The following MRPS6 variants were observed in gnomAD, a reference collection of about 807,000 sequenced individuals.
The protein encoded by MRPS6 is mitochondrial ribosomal protein S6.
In MRPS6, 6 loss-of-function variants were observed where a neutral mutation model predicts 13.1. That is an observed-to-expected ratio of 0.46 (90% CI 0.25 to 0.91). MRPS6 has a LOEUF of 0.91. MRPS6 is among the 40% of genes least tolerant of loss of function. The probability of loss-of-function intolerance (pLI) is 0.18; values close to 1 mark genes in which losing one functional copy is unlikely to be tolerated. For synonymous variants in MRPS6, 61 were observed against 56.5 expected, an observed-to-expected ratio of 1.08 and a Z score of -0.36; for missense variants, 164 against 155.6, an observed-to-expected ratio of 1.05 and a Z score of -0.29.
At chr21:34,095,194 C>A in intron 1 of MRPS6, 1 of 1,580,690 alleles carries the variant, frequency 6.3e-7, no homozygotes, top group Non-Finnish European at 8.6e-7. Flanking sequence ...TCACAAGTTA[C>A]CAGAATGAGA....
intron 1 of MRPS6, among the ~76,000 whole-genome samples, chr21:34,080,956 G>A (rs1033346658): frequency 7.2e-5 from 11 of 152,284 alleles, no homozygotes; most frequent in Middle Eastern, 3.4e-3. Flanking sequence ...TTTTATGACA[G>A]GTAATCTTGT....
chr21:34,134,977 C>T (rs916601663), intron 2 of MRPS6, among the ~76,000 whole-genome samples: 2 of 152,108 alleles, frequency 1.3e-5, no homozygotes, highest in African/African-American at 2.4e-5. Context: ...ACGGGTTTAT[C>T]GAAATGCGTA....
At chr21:34,083,992 A>G (rs1387285953) in intron 1 of MRPS6, among the ~76,000 whole-genome samples, 1 of 152,182 alleles carries the variant, frequency 6.6e-6, no homozygotes, top group Non-Finnish European at 1.5e-5. Context: ...TTGCAATGCA[A>G]GAGGAAAATC....
intron 1 of MRPS6, among the ~76,000 whole-genome samples, chr21:34,091,837 TA>T (rs771957597): frequency 3.4e-4 from 52 of 152,324 alleles, no homozygotes; most frequent in Non-Finnish European, 6.8e-4. Context: ...ATTCTACAAG[TA>T]TTACTCCCAT....
chr21:34,131,170 A>G (rs1980488122), intron 2 of MRPS6, among the ~76,000 whole-genome samples: 1 of 152,244 alleles, frequency 6.6e-6, no homozygotes, highest in South Asian at 2.1e-4. Flanking sequence ...TTTGTTAAGT[A>G]AGAATGTCAG....
At chr21:34,078,946 T>TA (rs1989395973) in intron 1 of MRPS6, among the ~76,000 whole-genome samples, 1 of 152,240 alleles carries the variant, frequency 6.6e-6, no homozygotes, top group Admixed American at 6.5e-5. Flanking sequence ...CACATGTAGT[T>TA]ACCTCTTAGG....
chr21:34,123,743 C>T (rs1437707472), intron 1 of MRPS6: 3 of 151,966 alleles, frequency 2.0e-5, no homozygotes, highest in African/African-American at 7.3e-5. Context: ...GTTGCTTGTC[C>T]CTGGAGCCCT....
intron 1 of MRPS6, among the ~76,000 whole-genome samples, chr21:34,119,396 C>T (rs1255954308): frequency 1.3e-5 from 2 of 151,848 alleles, no homozygotes; most frequent in Non-Finnish European, 2.9e-5. Flanking sequence ...GACAGCCTTT[C>T]TATTTGAAAA....
chr21:34,115,706 T>C (rs1432855386), intron 1 of MRPS6, among the ~76,000 whole-genome samples: 1 of 152,146 alleles, frequency 6.6e-6, no homozygotes, highest in African/African-American at 2.4e-5. Flanking sequence ...TGTGGCAAGA[T>C]AGCGGTTGGG....
At chr21:34,115,024 C>G (rs1979847140) in intron 1 of MRPS6, among the ~76,000 whole-genome samples, 1 of 152,152 alleles carries the variant, frequency 6.6e-6, no homozygotes, top group African/African-American at 2.4e-5. Flanking sequence ...GGCATTTTGC[C>G]TACCTTGCAG....
chr21:34,131,546 T>G (rs1022162932), intron 2 of MRPS6, among the ~76,000 whole-genome samples: 3 of 152,072 alleles, frequency 2.0e-5, no homozygotes, highest in Admixed American at 6.6e-5. Flanking sequence ...TCCAAGGCCA[T>G]TTTTTCAGCC....
At chr21:34,102,961 C>T in intron 1 of MRPS6, 3 of 999,860 alleles carry the variant, frequency 3.0e-6, no homozygotes. Context: ...TTTCCTAGTG[C>T]TGCTGGATAA....
At chr21:34,103,224 T>C (rs1979324793) in intron 1 of MRPS6, 2 of 999,814 alleles carry the variant, frequency 2.0e-6, no homozygotes, top group Non-Finnish European at 2.4e-6. Flanking sequence ...TGGTTACCAG[T>C]ATTGACTCTG....
intron 1 of MRPS6, among the ~76,000 whole-genome samples, chr21:34,114,741 C>A (rs1380664857): frequency 2.0e-5 from 3 of 152,086 alleles, no homozygotes; most frequent in Non-Finnish European, 4.4e-5. Context: ...GATTTGAAAC[C>A]TCAGAAATTA....
chr21:34,129,166 C>T (rs909092021), intron 2 of MRPS6, among the ~76,000 whole-genome samples: 1 of 152,098 alleles, frequency 6.6e-6, no homozygotes, highest in South Asian at 2.1e-4. Context: ...CTCATTTAGA[C>T]CCGTGCTATA....
intron 2 of MRPS6, among the ~76,000 whole-genome samples, chr21:34,142,109 T>C (rs1980927143): frequency 1.3e-5 from 2 of 152,234 alleles, no homozygotes; most frequent in African/African-American, 4.8e-5. Flanking sequence ...TGCTTTCTAG[T>C]ACTTCACACC....
At chr21:34,139,862 G>A (rs1009171649) in intron 2 of MRPS6, among the ~76,000 whole-genome samples, 5 of 152,124 alleles carry the variant, frequency 3.3e-5, no homozygotes, top group East Asian at 1.9e-4. Flanking sequence ...ACAGGTGTGA[G>A]CCCCAGCGCC....
intron 1 of MRPS6, chr21:34,103,107 C>T (rs921448150): frequency 4.7e-5 from 47 of 999,968 alleles, no homozygotes; most frequent in South Asian, 9.4e-5. Context: ...GAAACAGAAA[C>T]GAGGCTTATT....
chr21:34,132,109 A>C (rs1980523786), intron 2 of MRPS6, among the ~76,000 whole-genome samples: 1 of 152,216 alleles, frequency 6.6e-6, no homozygotes, highest in Admixed American at 6.5e-5. Flanking sequence ...AAGCAGGCAG[A>C]GATTGACTTT....
Sources: allele counts gnomAD v4.1 joint callset (sites outside exome capture counted in the v4.1 genomes callset), GRCh38; gene constraint gnomAD v4.1.1; transcripts MANE v1.5; gene names NCBI Gene and HGNC (gene_info 2026-07-23, HGNC 2026-07-21).